Variants in PACRGL observed in about 807,000 individuals in gnomAD.
PACRGL encodes the protein PACRG-like protein.
PACRGL carries 38 observed loss-of-function variants against 34.5 expected under a neutral mutation model. That is an observed-to-expected ratio of 1.10 (90% CI 0.85 to 1.44). PACRGL has a LOEUF of 1.44. Ranked by LOEUF, PACRGL falls within the 40% of genes most tolerant of loss-of-function variation. The pLI is 0.00. For missense variants in PACRGL, 305 were observed against 281.4 expected, an observed-to-expected ratio of 1.08 and a Z score of -0.60; for synonymous variants, 128 against 100.1, an observed-to-expected ratio of 1.28 and a Z score of -1.66.
chr4:20,742,182 T>C (rs1278582095), intron 8 of PACRGL, among the ~76,000 whole-genome samples: 3 of 152,038 alleles, frequency 2.0e-5, no homozygotes, highest in African/African-American at 7.2e-5. Context: ...AATATTCCAA[T>C]CAACAGAAAA....
chr4:20,713,376 C>G (rs957745604), intron 6 of PACRGL, 56 bp from the exon 7 acceptor site: 2 of 1,353,774 alleles, frequency 1.5e-6, no homozygotes, highest in Non-Finnish European at 2.1e-6. Context: ...TCTTTTCTTT[C>G]CTTTTCTCCT....
chr4:20,726,962 G>GTTATCTCCCTCTAA (rs1377330977), intron 8 of PACRGL, among the ~76,000 whole-genome samples: 1 of 152,066 alleles, frequency 6.6e-6, no homozygotes, highest in Non-Finnish European at 1.5e-5. Context: ...AGATTTTGTT[G>GTTATCTCCCTCTAA]TTATCTCCCT....
chr4:20,746,414 C>G (rs1035726143), intron 8 of PACRGL, among the ~76,000 whole-genome samples: 1 of 151,862 alleles, frequency 6.6e-6, no homozygotes, highest in Non-Finnish European at 1.5e-5. Flanking sequence ...GCAGAAATAC[C>G]TAATGTAGGT....
At chr4:20,752,456 T>A (rs1431639402) in intron 8 of PACRGL, 1 of 152,216 alleles carries the variant, frequency 6.6e-6, no homozygotes, top group Non-Finnish European at 1.5e-5. Context: ...TATTAGCTAT[T>A]ATTATTTCCT....
In PACRGL at chr4:20,728,656, A is replaced by G. The variant is rs1746761546; in HGVS notation, c.*1315A>G. ...TTTTATTTTTTCTTTTTGAAATACA[A>G]AATGTGCACATTGAGTTTACACAAA... On this transcript the variant is annotated 3_prime_UTR_variant, in exon 9 of 9. Coordinates refer to ENST00000503585, the MANE Select transcript of PACRGL (RefSeq NM_001258345.3). 6.6e-6 allele frequency: 1 copy of G among 152,616 alleles called. No individual in the cohort carries two copies. Among genetic ancestry groups the G allele is most frequent in the Non-Finnish European group, 1.5e-5 (1 of 68,036 alleles). The allele number at this position is 152,616 out of a possible 1,614,324, so 9.5% of individuals were successfully genotyped here. A position where few individuals can be genotyped will look rare whatever the true frequency, so the allele number is the denominator to read the frequency against.
intron 7 of PACRGL, among the ~76,000 whole-genome samples, chr4:20,716,978 C>T (rs940368367): frequency 9.2e-5 from 14 of 152,338 alleles, no homozygotes; most frequent in African/African-American, 1.2e-4. Context: ...TATTCCTCCA[C>T]ATCCTCTCCA....
At chr4:20,720,915 C>T (rs551237383) in intron 7 of PACRGL, among the ~76,000 whole-genome samples, 17 of 152,224 alleles carry the variant, frequency 1.1e-4, no homozygotes, top group Non-Finnish European at 2.2e-4. Context: ...TATCCTGCAG[C>T]GTGTTTTCCA....
intron 5 of PACRGL, 124 bp downstream of exon 5, chr4:20,709,897 A>G (rs1212068624): frequency 4.4e-6 from 3 of 686,938 alleles, no homozygotes; most frequent in East Asian, 5.4e-5. Flanking sequence ...CACAATAGGC[A>G]TTGAAACACC....
At chr4:20,753,361 G>T (rs1259810282), downstream of PACRGL, among the ~76,000 whole-genome samples, 1 of 152,104 alleles carries the variant, frequency 6.6e-6, no homozygotes, top group African/African-American at 2.4e-5. Context: ...ACAACTTGAG[G>T]CTAAGAAAAG....
chr4:20,723,964 T>C (rs1161753265), intron 7 of PACRGL, among the ~76,000 whole-genome samples: 1 of 152,148 alleles, frequency 6.6e-6, no homozygotes. Context: ...TCCATACATT[T>C]CAGCCTCAAA....
chr4:20,735,206 C>T (rs1173724932), downstream of PACRGL, among the ~76,000 whole-genome samples: 1 of 152,144 alleles, frequency 6.6e-6, no homozygotes, highest in Non-Finnish European at 1.5e-5. Context: ...TACATGTGGA[C>T]AGTGGGTAAG....
intron 7 of PACRGL, 110 bp from the exon 8 acceptor site, chr4:20,724,698 A>G (rs1021396029): frequency 2.1e-6 from 1 of 483,636 alleles, no homozygotes. Context: ...GCTTCCTAAA[A>G]AAAGCCTTGA....
At chr4:20,723,069 A>C (rs1224719933) in intron 7 of PACRGL, among the ~76,000 whole-genome samples, 1 of 152,220 alleles carries the variant, frequency 6.6e-6, no homozygotes, top group African/African-American at 2.4e-5. Context: ...TGGTGACTCT[A>C]TCAGGATAGG....
intron 5 of PACRGL, 133 bp from the exon 6 acceptor site, chr4:20,712,655 T>C (rs985101397): frequency 2.8e-4 from 244 of 877,878 alleles, no homozygotes; most frequent in Non-Finnish European, 3.7e-4. Context: ...TTGTAACTAC[T>C]GAAATTATAA....
rs1363138094 is a variant in PACRGL, at chr4:20,728,812, T to G, written c.*1471T>G. On this transcript the variant is annotated 3_prime_UTR_variant, in exon 9 of 9. Coordinates refer to ENST00000503585, the MANE Select transcript of PACRGL (RefSeq NM_001258345.3). ...CCTGATTTATTGTTGCAAAGACAGT[T>G]GCAAATTTCCTCCTTCTGTAGCCTC... The G allele has an allele frequency of 6.6e-6, 1 of 152,576 alleles. No homozygotes were observed. Among genetic ancestry groups the G allele is most frequent in the Non-Finnish European group, 1.5e-5 (1 of 68,004 alleles). The allele number at this position is 152,576 out of a possible 1,614,324, so 9.5% of individuals were successfully genotyped here.
At chr4:20,749,170 A>AAG (rs1753106881) in intron 8 of PACRGL, among the ~76,000 whole-genome samples, 1 of 147,550 alleles carries the variant, frequency 6.8e-6, no homozygotes, top group South Asian at 2.1e-4. Context: ...AAAAAAAAAA[A>AAG]AATACGTTCT....
intron 7 of PACRGL, among the ~76,000 whole-genome samples, chr4:20,717,141 G>A (rs947987372): frequency 1.6e-4 from 25 of 152,180 alleles, no homozygotes; most frequent in Middle Eastern, 3.2e-3. Context: ...CTTTTGAGAA[G>A]TGTCTGTTCG....
chr4:20,745,114 G>A (rs1051005775), intron 8 of PACRGL, among the ~76,000 whole-genome samples: 4 of 152,182 alleles, frequency 2.6e-5, no homozygotes, highest in Non-Finnish European at 5.9e-5. Context: ...ATGGAGCCAA[G>A]GAGCTTTGGC....
At chr4:20,701,239 G>A (rs1732029688) in intron 1 of PACRGL, among the ~76,000 whole-genome samples, 1 of 152,110 alleles carries the variant, frequency 6.6e-6, no homozygotes, top group South Asian at 2.1e-4. Flanking sequence ...GGCTATATCA[G>A]CTGCCCAAAC....
Sources: gnomAD v4.1 joint callset for allele counts (sites outside exome capture counted in the v4.1 genomes callset) on GRCh38, gnomAD v4.1.1 for gene constraint, MANE v1.5 for transcripts, NCBI Gene and HGNC (gene_info 2026-07-23, HGNC 2026-07-21) for gene names.